The following CBFA2T3 variants were observed in gnomAD, a reference collection of about 807,000 sequenced individuals.
CBFA2T3 encodes the protein transcriptional corepressor CBFA2T3.
Under a neutral mutation model 58.6 loss-of-function variants are expected in CBFA2T3, and 31 were observed. The observed-to-expected ratio is 0.53, with a 90% CI of 0.40 to 0.71. The LOEUF (loss-of-function observed/expected upper bound fraction) is 0.71. Ranked by LOEUF, CBFA2T3 falls within the 30% of genes least tolerant of loss-of-function variation. The probability of loss-of-function intolerance (pLI) is 0.00; values close to 1 mark genes in which losing one functional copy is unlikely to be tolerated. For missense variants in CBFA2T3, 1,076 were observed against 963.1 expected, an observed-to-expected ratio of 1.12 and a Z score of -1.55; for synonymous variants, 531 against 421.9, an observed-to-expected ratio of 1.26 and a Z score of -3.17.
intron 1 of CBFA2T3, among the ~76,000 whole-genome samples, chr16:88,925,277 G>A (rs1484054358): frequency 6.6e-6 from 1 of 152,174 alleles, no homozygotes; most frequent in Non-Finnish European, 1.5e-5. Flanking sequence ...CCGCAGCCGT[G>A]GTGGCAGCTG....
At chr16:88,888,192 G>A (rs1176483128) in intron 5 of CBFA2T3, among the ~76,000 whole-genome samples, 1 of 151,820 alleles carries the variant, frequency 6.6e-6, no homozygotes, top group African/African-American at 2.4e-5. Context: ...CAGCCAAGCA[G>A]GCCCCCACTC....
At chr16:88,967,303 A>T (rs1439795717) in intron 1 of CBFA2T3, among the ~76,000 whole-genome samples, 1 of 152,156 alleles carries the variant, frequency 6.6e-6, no homozygotes, top group East Asian at 1.9e-4. Context: ...CGAGAGAGGA[A>T]ATTGCAAAGG....
chr16:88,966,114 G>A (rs1377123771), intron 1 of CBFA2T3, among the ~76,000 whole-genome samples: 1 of 152,238 alleles, frequency 6.6e-6, no homozygotes, highest in Non-Finnish European at 1.5e-5. Context: ...GGGCCCCTCT[G>A]GACGGAGTGG....
intron 1 of CBFA2T3, among the ~76,000 whole-genome samples, chr16:88,970,191 T>TGGCGGC (rs772894972): frequency 7.2e-5 from 11 of 151,842 alleles, no homozygotes; most frequent in Non-Finnish European, 1.2e-4. Flanking sequence ...CAGGAGGCGG[T>TGGCGGC]GGCGGCGGCC....
intron 10 of CBFA2T3, 145 bp downstream of exon 10, chr16:88,880,575 G>A: frequency 2.9e-6 from 2 of 692,854 alleles, no homozygotes; most frequent in South Asian, 1.8e-5. Context: ...ACCTCTCCGT[G>A]AGCCACACAG....
chr16:88,891,201 C>A (rs1597677895), intron 5 of CBFA2T3, among the ~76,000 whole-genome samples: 3 of 152,200 alleles, frequency 2.0e-5, no homozygotes, highest in African/African-American at 4.8e-5. Context: ...CTCTCCACCC[C>A]ACGTATTCTG....
intron 3 of CBFA2T3, among the ~76,000 whole-genome samples, chr16:88,897,219 C>G (rs562321165): frequency 3.0e-4 from 45 of 152,340 alleles, no homozygotes; most frequent in Non-Finnish European, 5.4e-4. Flanking sequence ...AGGAGCTGCA[C>G]GCCAGGCGCG....
chr16:88,955,846 C>G (rs934986288), intron 1 of CBFA2T3, among the ~76,000 whole-genome samples: 1 of 139,572 alleles, frequency 7.2e-6, no homozygotes, highest in African/African-American at 2.8e-5. Flanking sequence ...TGACCTCACC[C>G]AAGGCTCCTG....
chr16:88,886,225 G>T, intron 5 of CBFA2T3, 83 bp from the exon 6 acceptor site: 2 of 1,086,364 alleles, frequency 1.8e-6, no homozygotes, highest in Non-Finnish European at 2.5e-6. Flanking sequence ...GCCTGGGCTG[G>T]GTGGCCGAAA....
chr16:88,914,547 G>A (rs750749181), intron 1 of CBFA2T3, among the ~76,000 whole-genome samples: 10 of 152,184 alleles, frequency 6.6e-5, no homozygotes, highest in East Asian at 1.9e-4. Context: ...CGTGGTTGCC[G>A]GGCAGGACGC....
At chr16:88,881,030 G>A in intron 9 of CBFA2T3, 1 of 700,218 alleles carries the variant, frequency 1.4e-6, no homozygotes, top group African/African-American at 1.8e-5. Context: ...GGCCTCTCCT[G>A]TGTCAGCATT....
intron 1 of CBFA2T3, among the ~76,000 whole-genome samples, chr16:88,907,874 C>A (rs1045347139): frequency 2.0e-5 from 3 of 152,260 alleles, no homozygotes; most frequent in African/African-American, 7.2e-5. Context: ...CCTCTCTGGG[C>A]ATGCCTGAGT....
In CBFA2T3 at chr16:88,934,160, C is replaced by T. The variant is rs113369996; in HGVS notation, c.152-32504G>A. 2.6e-4 allele frequency among the ~76,000 whole-genome samples: 35 copies of T among 134,300 alleles called. No homozygotes were observed. The East Asian group carries it at 4.1e-3, about 16-fold the overall frequency. The allele number at this position is 134,300 out of a possible 152,430, so 88.1% of individuals were successfully genotyped here. ...TTGGGAGAGGCCGCCCCTCGGCACA[C>T]GGAGGCACCGGCGAGAAGGGCTGCC... On this transcript the variant is annotated intron_variant, in intron 1 of 11. Transcript: ENST00000268679.
At chr16:88,881,956 C>A (rs892822066) in intron 8 of CBFA2T3, among the ~76,000 whole-genome samples, 3 of 152,240 alleles carry the variant, frequency 2.0e-5, no homozygotes, top group Non-Finnish European at 4.4e-5. Context: ...ACACGTCCTG[C>A]CTCAAAGAGG....
chr16:88,933,713 C>G (rs916877331), intron 1 of CBFA2T3, among the ~76,000 whole-genome samples: 2 of 136,382 alleles, frequency 1.5e-5, no homozygotes, highest in Admixed American at 7.4e-5. Context: ...CAGTGCCACA[C>G]GTCTGCACGC....
At chr16:88,921,549 CCTCT>C (rs976609425) in intron 1 of CBFA2T3, among the ~76,000 whole-genome samples, 2 of 151,338 alleles carry the variant, frequency 1.3e-5, no homozygotes, top group South Asian at 2.1e-4. Context: ...TCCTGCCCTC[CCTCT>C]CTGTCTGCAG....
intron 2 of CBFA2T3, among the ~76,000 whole-genome samples, chr16:88,899,169 CAG>C (rs1234502550): frequency 1.3e-5 from 2 of 151,400 alleles, no homozygotes; most frequent in Non-Finnish European, 2.9e-5. Flanking sequence ...AGTCTCCGTT[CAG>C]ACTCAGTCTC....
chr16:88,888,870 G>A (rs74668504), intron 5 of CBFA2T3, among the ~76,000 whole-genome samples: 3,418 of 151,982 alleles, frequency 0.022, 71 homozygotes, highest in African/African-American at 0.05. Flanking sequence ...GGGATCCCCT[G>A]TGTACCAAGG....
At chr16:88,889,193 G>C (rs116046814) in intron 5 of CBFA2T3, among the ~76,000 whole-genome samples, 5,422 of 151,562 alleles carry the variant, frequency 0.036, 331 homozygotes, top group African/African-American at 0.13. Flanking sequence ...AACGACGCCA[G>C]ATGGGCCCAG....
Sources: gnomAD v4.1 joint callset for allele counts (sites outside exome capture counted in the v4.1 genomes callset) on GRCh38, gnomAD v4.1.1 for gene constraint, MANE v1.5 for transcripts, NCBI Gene and HGNC (gene_info 2026-07-23, HGNC 2026-07-21) for gene names.